NR3C2: variants seen among roughly 807,000 people sequenced by gnomAD.
The protein encoded by NR3C2 is nuclear receptor subfamily 3 group C member 2.
Under a neutral mutation model 86.4 loss-of-function variants are expected in NR3C2, and 15 were observed. The ratio of observed to expected loss-of-function variants is 0.17; its 90% CI spans 0.12 to 0.27. The LOEUF (loss-of-function observed/expected upper bound fraction) is 0.27. NR3C2 is among the 10% of genes least tolerant of loss of function. NR3C2 has a pLI of 1.00. For synonymous variants in NR3C2, 458 were observed against 450.5 expected, an observed-to-expected ratio of 1.02 and a Z score of -0.21; for missense variants, 960 against 1,195.6, an observed-to-expected ratio of 0.80 and a Z score of 2.91.
At chr4:148,299,394 G>A (rs747513399) in intron 2 of NR3C2, among the ~76,000 whole-genome samples, 4 of 152,066 alleles carry the variant, frequency 2.6e-5, no homozygotes, top group South Asian at 2.1e-4. Flanking sequence ...TAGAAATGTC[G>A]GCCTTGGTCC....
At chr4:148,172,312 G>A (rs1341269234) in intron 4 of NR3C2, among the ~76,000 whole-genome samples, 3 of 152,012 alleles carry the variant, frequency 2.0e-5, no homozygotes, top group Admixed American at 1.3e-4. Context: ...AAAAATTTTA[G>A]TTAAGTAAGC....
chr4:148,174,594 G>C (rs1168175549), intron 4 of NR3C2, among the ~76,000 whole-genome samples: 4 of 152,224 alleles, frequency 2.6e-5, no homozygotes, highest in African/African-American at 7.2e-5. Flanking sequence ...TAGGGGGCAA[G>C]GCATAACCCC....
At chr4:148,356,552 T>G (rs1299712752) in intron 2 of NR3C2, among the ~76,000 whole-genome samples, 2 of 152,190 alleles carry the variant, frequency 1.3e-5, no homozygotes, top group African/African-American at 4.8e-5. Context: ...GGGAGCTTAA[T>G]ATAAAACTAC....
chr4:148,241,384 G>A (rs1411228878), intron 3 of NR3C2, among the ~76,000 whole-genome samples: 2 of 139,564 alleles, frequency 1.4e-5, no homozygotes, highest in African/African-American at 5.3e-5. Context: ...GGCCCTACAT[G>A]ATCTAGTAAA....
chr4:148,120,305 G>C lies in NR3C2; in HGVS notation c.2511-17C>G. The C allele has an allele frequency of 1.2e-6, 2 of 1,613,904 alleles. No individual in the cohort carries two copies. The highest frequency in any genetic ancestry group is 1.7e-6 in the Non-Finnish European group (2 of 1,179,866). ...ATCTTCTCTCTGCAAAGGAAAAGAA[G>C]AAAATGTCTGAGAATGCAAGATTCA... On this transcript the variant is annotated splice_polypyrimidine_tract_variant and intron_variant, in intron 6 of 8. Coordinates refer to ENST00000358102, the MANE Select transcript of NR3C2 (RefSeq NM_000901.5).
intron 2 of NR3C2, among the ~76,000 whole-genome samples, chr4:148,302,998 T>C: frequency 6.6e-6 from 1 of 152,120 alleles, no homozygotes; most frequent in East Asian, 1.9e-4. Flanking sequence ...CTATCTGAGA[T>C]TCCCTGTGAA....
At chr4:148,099,842 C>G (rs555942449) in intron 8 of NR3C2, among the ~76,000 whole-genome samples, 14 of 152,248 alleles carry the variant, frequency 9.2e-5, no homozygotes, top group African/African-American at 3.4e-4. Context: ...TAGATGTGAT[C>G]TTCTAGAAAC....
chr4:148,223,657 A>G (rs1302898627), intron 3 of NR3C2, among the ~76,000 whole-genome samples: 9 of 152,222 alleles, frequency 5.9e-5, no homozygotes, highest in Non-Finnish European at 2.9e-5. Context: ...AAGAGAAGAA[A>G]CAACCTGAAT....
chr4:148,319,731 T>A (rs2149950442), intron 2 of NR3C2, among the ~76,000 whole-genome samples: 1 of 151,154 alleles, frequency 6.6e-6, no homozygotes, highest in South Asian at 2.1e-4. Context: ...TGATTTTGTA[T>A]CCTGAGACTT....
chr4:148,272,536 G>A, intron 2 of NR3C2, among the ~76,000 whole-genome samples: 1 of 152,114 alleles, frequency 6.6e-6, no homozygotes, highest in East Asian at 1.9e-4. Flanking sequence ...CTTGCCTTCA[G>A]TGACATGTGA....
intron 2 of NR3C2, among the ~76,000 whole-genome samples, chr4:148,324,783 A>T (rs1280877032): frequency 6.6e-6 from 1 of 152,186 alleles, no homozygotes; most frequent in Non-Finnish European, 1.5e-5. Flanking sequence ...CATATCTTAA[A>T]TATGTACAAT....
chr4:148,413,323 A>C (rs1748804448), intron 2 of NR3C2, among the ~76,000 whole-genome samples: 2 of 152,174 alleles, frequency 1.3e-5, no homozygotes, highest in African/African-American at 4.8e-5. Context: ...TTTCCAAAAA[A>C]TAAATTCTTT....
chr4:148,104,340 TG>T (rs1731684290), intron 8 of NR3C2, among the ~76,000 whole-genome samples: 2 of 116,602 alleles, frequency 1.7e-5, no homozygotes, highest in Non-Finnish European at 3.4e-5. Flanking sequence ...TGTTTTGGTT[TG>T]GTTTTTTTTT....
chr4:148,249,301 G>C (rs1286795292), intron 3 of NR3C2, among the ~76,000 whole-genome samples: 1 of 148,858 alleles, frequency 6.7e-6, no homozygotes, highest in African/African-American at 2.5e-5. Flanking sequence ...GCTTCCCCCC[G>C]ACCAAAAAAA....
chr4:148,398,216 C>T (rs577304286), intron 2 of NR3C2, among the ~76,000 whole-genome samples: 1 of 152,332 alleles, frequency 6.6e-6, no homozygotes, highest in African/African-American at 2.4e-5. Flanking sequence ...GTCACATTCA[C>T]AGATACCAGT....
chr4:148,256,545 T>G (rs567473316), intron 3 of NR3C2, among the ~76,000 whole-genome samples: 73 of 152,304 alleles, frequency 4.8e-4, no homozygotes, highest in African/African-American at 1.7e-3. Context: ...ACAAAGAAAC[T>G]GAGGCCCAGA....
upstream of NR3C2, chr4:148,444,638 G>A (rs1428364702): frequency 4.1e-6 from 4 of 985,854 alleles, no homozygotes; most frequent in African/African-American, 5.2e-5. Flanking sequence ...TCGGCGGTGA[G>A]GATGGAGAGG....
intron 2 of NR3C2, among the ~76,000 whole-genome samples, chr4:148,333,216 A>G (rs777123843): frequency 1.3e-5 from 2 of 152,172 alleles, no homozygotes; most frequent in Non-Finnish European, 2.9e-5. Context: ...AGTTGCAGTG[A>G]GCCAAGATCA....
chr4:148,130,622 GATAA>G (rs946172444), intron 6 of NR3C2, among the ~76,000 whole-genome samples: 5 of 152,190 alleles, frequency 3.3e-5, no homozygotes, highest in African/African-American at 9.6e-5. Context: ...TTATGTGAGT[GATAA>G]ATAAATATCT....
Sources: gnomAD v4.1 joint callset for allele counts (sites outside exome capture counted in the v4.1 genomes callset) on GRCh38, gnomAD v4.1.1 for gene constraint, MANE v1.5 for transcripts, NCBI Gene and HGNC (gene_info 2026-07-23, HGNC 2026-07-21) for gene names.